Variants in TNNI3K observed in about 807,000 individuals in gnomAD.
The protein encoded by TNNI3K is TNNI3 interacting kinase, also known as serine/threonine-protein kinase TNNI3K.
In TNNI3K, 140 loss-of-function variants were observed where a neutral mutation model predicts 114.5. That is an observed-to-expected ratio of 1.22 (90% CI 1.07 to 1.41). The LOEUF (loss-of-function observed/expected upper bound fraction) is 1.41. Among genes scored for constraint, TNNI3K ranks in the 40% most tolerant of loss-of-function variants. The probability of loss-of-function intolerance (pLI) is 0.00; values close to 1 mark genes in which losing one functional copy is unlikely to be tolerated. For synonymous variants in TNNI3K, 347 were observed against 347.5 expected (o/e 1.00, Z 0.02); for missense variants, 1,125 against 1,007.6 (o/e 1.12, Z -1.58).
chr1:74,458,660 A>G lies in TNNI3K; in HGVS notation c.2012-4781A>G, dbSNP rs184476312. ...AGATATTTATTGCTGTTAAGCTATC[A>G]TCTTCATTCATTTATTCAATAAATG... On this transcript the variant is annotated intron_variant, in intron 20 of 24. Coordinates refer to ENST00000326637, the MANE Select transcript of TNNI3K (RefSeq NM_015978.3). 1.2e-4 allele frequency among the ~76,000 whole-genome samples: 18 copies of G among 152,330 alleles called. No homozygotes were observed. In the East Asian group the frequency reaches 3.5e-3, roughly 29 times the overall value.
At chr1:74,329,044 A>C (rs1263004009) in intron 5 of TNNI3K, among the ~76,000 whole-genome samples, 2 of 152,106 alleles carry the variant, frequency 1.3e-5, no homozygotes, top group South Asian at 4.1e-4. Context: ...TGGAGCCTCT[A>C]CTGACAGATG....
At chr1:74,260,844 T>A (rs1655619981) in intron 4 of TNNI3K, among the ~76,000 whole-genome samples, 5 of 151,948 alleles carry the variant, frequency 3.3e-5, no homozygotes, top group Admixed American at 2.0e-4. Flanking sequence ...AAATTAGCAC[T>A]CCCAAACACA....
chr1:74,366,149 T>G (rs1662259850), intron 11 of TNNI3K, among the ~76,000 whole-genome samples: 1 of 152,044 alleles, frequency 6.6e-6, no homozygotes, highest in Non-Finnish European at 1.5e-5. Flanking sequence ...TAACCCATGT[T>G]AACTACAGAT....
In TNNI3K at chr1:74,492,116, G is replaced by A; in HGVS notation, c.2201G>A (p.Ser734Asn). The stretch of plus-strand genomic sequence containing the variant: ...ACTCAGCTGATGTCTCCTGCATCAA[G>A]TAACAGCAGTGGGTCTCTCTCACCT... ...CNIELMSPAS[S>N]NSSGSLSPSS... The change falls in exon 23 of 25, where the codon AGT becomes AAT. Residue 734 changes from serine to asparagine, a missense_variant. Physicochemically the swap from Ser to Asn is conservative, Grantham distance 46. Transcript: ENST00000326637. 6.2e-7 allele frequency: 1 copy of A among 1,607,820 alleles called. No homozygotes were observed. The highest frequency in any genetic ancestry group is 1.1e-5 in the South Asian group (1 of 90,202).
intron 9 of TNNI3K, 92 bp from the exon 10 acceptor site, chr1:74,353,174 G>A (rs1661466796): frequency 2.3e-6 from 3 of 1,296,116 alleles, no homozygotes; most frequent in Non-Finnish European, 3.2e-6. Context: ...TATAACTTCA[G>A]CATATGATTT....
chr1:74,476,153 A>G lies in TNNI3K; in HGVS notation c.2121+12603A>G, dbSNP rs1668195799. ...TCGGTCTACGTCACCTCCTTTTATG[A>G]ACTCTCATAATAGAGTGAATGACTT... On this transcript the variant is annotated intron_variant, in intron 21 of 24. Coordinates refer to ENST00000326637, the MANE Select transcript of TNNI3K (RefSeq NM_015978.3). Among the ~76,000 whole-genome samples the G allele has an allele frequency of 2.6e-5, 4 of 152,162 alleles. No homozygotes were observed. In the South Asian group the frequency reaches 8.3e-4, roughly 32 times the overall value.
intron 23 of TNNI3K, among the ~76,000 whole-genome samples, chr1:74,501,624 T>C (rs536435777): frequency 6.3e-4 from 96 of 152,136 alleles, no homozygotes; most frequent in Non-Finnish European, 1.2e-3. Flanking sequence ...GTAGCTGGGA[T>C]TACAGGCACG....
At chr1:74,512,883 C>G (rs529119536) in intron 23 of TNNI3K, among the ~76,000 whole-genome samples, 1 of 152,328 alleles carries the variant, frequency 6.6e-6, no homozygotes, top group South Asian at 2.1e-4. Flanking sequence ...GTTAACAAGC[C>G]TTATGATGGG....
chr1:74,395,550 G>T (rs1664033526), intron 17 of TNNI3K, among the ~76,000 whole-genome samples: 1 of 152,172 alleles, frequency 6.6e-6, no homozygotes, highest in African/African-American at 2.4e-5. Context: ...TAGGAAAACT[G>T]GACTATGTGT....
At chr1:74,428,458 T>C (rs1321581045) in intron 17 of TNNI3K, among the ~76,000 whole-genome samples, 1 of 152,084 alleles carries the variant, frequency 6.6e-6, no homozygotes, top group Non-Finnish European at 1.5e-5. Context: ...TCAAAGGGAT[T>C]AATGGGGAAG....
chr1:74,275,571 G>A (rs931102639), intron 5 of TNNI3K, among the ~76,000 whole-genome samples: 4 of 151,920 alleles, frequency 2.6e-5, no homozygotes, highest in Non-Finnish European at 2.9e-5. Context: ...AATTGAACTA[G>A]TCTAAAGAAT....
chr1:74,453,915 A>G (rs1385910223), intron 20 of TNNI3K, among the ~76,000 whole-genome samples: 5 of 152,216 alleles, frequency 3.3e-5, no homozygotes, highest in African/African-American at 7.2e-5. Flanking sequence ...TAAGAAATCT[A>G]TACATTTTTT....
intron 5 of TNNI3K, among the ~76,000 whole-genome samples, chr1:74,280,367 G>A (rs1011734860): frequency 2.7e-5 from 4 of 150,892 alleles, no homozygotes; most frequent in Non-Finnish European, 4.4e-5. Flanking sequence ...AGGTGACAGA[G>A]CGAAACTCCA....
intron 20 of TNNI3K, among the ~76,000 whole-genome samples, chr1:74,442,902 C>T (rs1013287467): frequency 2.0e-5 from 3 of 150,948 alleles, no homozygotes; most frequent in Non-Finnish European, 2.9e-5. Context: ...AAACCTGCTT[C>T]TGAATGAATC....
At position 74,476,881 on chromosome 1, in the gene TNNI3K, CT is replaced by C. The variant is rs369729455; in HGVS notation, c.2122-12300del. Among the ~76,000 whole-genome samples, 920 of 152,012 alleles carry C rather than the reference CT, an allele frequency of 6.1e-3. 12 individuals carry two copies. Among genetic ancestry groups the C allele is most frequent in the African/African-American group, 0.021 (855 of 41,494 alleles). On this transcript the variant is annotated intron_variant, in intron 21 of 24. Transcript: ENST00000326637. ...GGAGGGTATCAGGTCATGATTGTTT[CT>C]TTTTTTTCTGTTAAAGATGAAGAGC... is the stretch of plus-strand genomic sequence containing the variant.
At chr1:74,438,177 A>G (rs539878628) in intron 19 of TNNI3K, among the ~76,000 whole-genome samples, 1 of 152,044 alleles carries the variant, frequency 6.6e-6, no homozygotes, top group Non-Finnish European at 1.5e-5. Flanking sequence ...TTATCTAATC[A>G]GTCTATGACC....
chr1:74,473,254 G>T (rs1298408126), intron 21 of TNNI3K, among the ~76,000 whole-genome samples: 4 of 152,056 alleles, frequency 2.6e-5, no homozygotes. Flanking sequence ...ATGAAGGAAT[G>T]AGCTTTAAAG....
At chr1:74,518,927 A>G (rs1186461311) in intron 23 of TNNI3K, among the ~76,000 whole-genome samples, 4 of 78,766 alleles carry the variant, frequency 5.1e-5, no homozygotes, top group Admixed American at 1.9e-4. Context: ...ACATGTGCAC[A>G]TTGTGCAGGT....
intron 20 of TNNI3K, among the ~76,000 whole-genome samples, chr1:74,445,225 T>C (rs978769172): frequency 1.3e-5 from 2 of 150,848 alleles, no homozygotes; most frequent in African/African-American, 4.8e-5. Flanking sequence ...TTCTTTCTTT[T>C]TTTTTTTATT....
Sources: allele counts gnomAD v4.1 joint callset (sites outside exome capture counted in the v4.1 genomes callset), GRCh38; gene constraint gnomAD v4.1.1; transcripts MANE v1.5; gene names NCBI Gene and HGNC (gene_info 2026-07-23, HGNC 2026-07-21).